TRPM2: variants seen among roughly 807,000 people sequenced by gnomAD.
The protein encoded by TRPM2 is estrogen-responsive element-associated gene 1 protein.
In TRPM2, 161 loss-of-function variants were observed where a neutral mutation model predicts 174.0. The observed-to-expected ratio is 0.93, with a 90% CI of 0.81 to 1.05. The LOEUF (loss-of-function observed/expected upper bound fraction) is 1.05, where lower values mean the gene tolerates loss of function less well. Ranked by LOEUF, TRPM2 falls within the 50% of genes least tolerant of loss-of-function variation. TRPM2 has a pLI of 0.00. For synonymous variants in TRPM2, 954 were observed against 861.3 expected, an observed-to-expected ratio of 1.11 and a Z score of -1.88; for missense variants, 2,057 against 2,038.0, an observed-to-expected ratio of 1.01 and a Z score of -0.18.
intron 5 of TRPM2, among the ~76,000 whole-genome samples, chr21:44,375,200 G>A (rs756745061): frequency 3.3e-5 from 5 of 152,184 alleles, no homozygotes; most frequent in Admixed American, 6.5e-5. Flanking sequence ...GTGAGCCACC[G>A]CGCCCGTCTC....
In TRPM2 at chr21:44,413,806, G is replaced by C; in HGVS notation, c.2963-85G>C. 2.0e-6 allele frequency: 3 copies of C among 1,483,670 alleles called. No homozygotes were observed. In the South Asian group the frequency reaches 3.7e-5, roughly 18 times the overall value. 91.9% of individuals were successfully genotyped at this position (1,483,670 alleles called of 1,614,324 possible). ...GCCTGCGGGGGACCTGGCAGTGACTGGAGGCCTCGAGGGCCCCCTCCTGCC... is the reference window on the plus strand; with the variant it reads ...GCCTGCGGGGGACCTGGCAGTGACTCGAGGCCTCGAGGGCCCCCTCCTGCC... On this transcript the variant is annotated intron_variant, in intron 19 of 31. Coordinates refer to ENST00000397928, the MANE Select transcript of TRPM2 (RefSeq NM_003307.4).
chr21:44,411,302 T>A (rs532867937), intron 19 of TRPM2, among the ~76,000 whole-genome samples: 1 of 152,314 alleles, frequency 6.6e-6, no homozygotes, highest in Admixed American at 6.5e-5. Context: ...CAGTAATAAG[T>A]CTTAATGCTT....
intron 28 of TRPM2, among the ~76,000 whole-genome samples, chr21:44,436,503 ACGTCACCCCCG>A (rs2051272274): frequency 4.5e-5 from 2 of 44,630 alleles, no homozygotes; most frequent in East Asian, 6.1e-4. Context: ...CGTCACCCCC[ACGTCACCCCCG>A]GGCTGCACTC....
At chr21:44,382,916 A>C in intron 9 of TRPM2, 96 bp downstream of exon 9, 3 of 1,252,150 alleles carry the variant, frequency 2.4e-6, no homozygotes, top group Non-Finnish European at 3.4e-6. Flanking sequence ...GATTCTGGGA[A>C]CCAGAATATT....
At chr21:44,382,629 C>A in intron 8 of TRPM2, 89 bp from the exon 9 acceptor site, 1 of 1,275,214 alleles carries the variant, frequency 7.8e-7, no homozygotes, top group Non-Finnish European at 1.1e-6. Context: ...AAGGCTCTGG[C>A]TGTGTCCGGG....
chr21:44,388,798 G>A (rs571430117), intron 9 of TRPM2, among the ~76,000 whole-genome samples: 50 of 152,216 alleles, frequency 3.3e-4, no homozygotes, highest in Admixed American at 1.8e-3. Context: ...TCACAGCACT[G>A]TGCTCCAGCC....
chr21:44,378,461 A>C (rs1463400496), intron 7 of TRPM2, among the ~76,000 whole-genome samples: 2 of 152,206 alleles, frequency 1.3e-5, no homozygotes, highest in African/African-American at 2.4e-5. Flanking sequence ...TCCATAGAGC[A>C]CTGGGTCCTC....
At position 44,354,474 on chromosome 21, in the gene TRPM2, C is replaced by A. The variant is rs1221897762; in HGVS notation, c.166-174C>A. 2.6e-5 allele frequency among the ~76,000 whole-genome samples: 4 copies of A among 152,188 alleles called. No homozygotes were observed. Among genetic ancestry groups the A allele is most frequent in the African/African-American group, 9.7e-5 (4 of 41,440 alleles). On this transcript the variant is annotated intron_variant, in intron 1 of 31. Transcript: ENST00000397928. The surrounding 1 kb of genome is among the most constrained non-coding windows in gnomAD (Gnocchi z 4.3). ...TTAGATTCATTCCTCCCTCCTGAAT[C>A]CCCACCGGAGAGTCTTGGCAAGGTG...
chr21:44,361,678 C>T (rs1357254936), intron 2 of TRPM2, among the ~76,000 whole-genome samples: 15 of 151,236 alleles, frequency 9.9e-5, no homozygotes, highest in Non-Finnish European at 1.5e-5. Context: ...GTTACTTGAA[C>T]ATTTTTTAGA....
At position 44,376,157 on chromosome 21, in the gene TRPM2, C is replaced by A; in HGVS notation, c.952+144C>A. On this transcript the variant is annotated intron_variant, in intron 6 of 31. Coordinates refer to ENST00000397928, the MANE Select transcript of TRPM2 (RefSeq NM_003307.4). This position sits in a 1 kb window ranked among gnomAD's most constrained non-coding sequence, Gnocchi z 4.2. Reference sequence around the variant, plus strand: ...AGTGGGCTGGTCAGAGTGTCAGGTACAGCTGGTCACAGGTCATTCGTGGCA... The same window carrying A: ...AGTGGGCTGGTCAGAGTGTCAGGTAAAGCTGGTCACAGGTCATTCGTGGCA... 1.0e-6 allele frequency: 1 copy of A among 973,846 alleles called. No homozygotes were observed. The highest frequency in any genetic ancestry group is 1.5e-6 in the Non-Finnish European group (1 of 663,966). 60.3% of individuals were successfully genotyped at this position (973,846 alleles called of 1,614,324 possible). A position where few individuals can be genotyped will look rare whatever the true frequency, so the allele number is the denominator to read the frequency against.
chr21:44,404,250 T>C (rs1273329209), intron 16 of TRPM2, among the ~76,000 whole-genome samples: 2 of 151,196 alleles, frequency 1.3e-5, no homozygotes, highest in African/African-American at 2.4e-5. Context: ...CACACAAACA[T>C]GCATACATAC....
In TRPM2 at chr21:44,395,467, C is replaced by A; in HGVS notation, c.1848C>A (p.Thr616=). ...ACAAGCGTTCCTCAGGCCATGTGAC[C>A]TTCACCATGGACCCCATCCGTGACC... is the stretch of plus-strand genomic sequence containing the variant. ...SLYKRSSGHV[T]FTMDPIRDLL... Residue 616 remains threonine, a synonymous_variant, in exon 12 of 32, where the codon ACC becomes ACA. Transcript: ENST00000397928. 6.2e-7 allele frequency: 1 copy of A among 1,613,054 alleles called. No individual in the cohort carries two copies. The highest frequency in any genetic ancestry group is 2.2e-5 in the East Asian group (1 of 44,874).
intron 26 of TRPM2, 75 bp from the exon 27 acceptor site, chr21:44,426,935 G>C: frequency 2.0e-6 from 3 of 1,464,042 alleles, no homozygotes. Flanking sequence ...TTGGTGGGGG[G>C]GTGATCCCTC....
rs1170280518 is a variant in TRPM2 at position 44,438,507 on chromosome 21, C to T, written c.4168-560C>T. On this transcript the variant is annotated intron_variant, in intron 29 of 31. Transcript: ENST00000397928. The surrounding 1 kb of genome is among the most constrained non-coding windows in gnomAD (Gnocchi z 5.9). The stretch of plus-strand genomic sequence containing the variant: ...CTGCAAAGTCTTCATGAGAAACCCA[C>T]GGGTGTTTCAGTGGGACTTTGAATG... 6.6e-6 allele frequency among the ~76,000 whole-genome samples: 1 copy of T among 152,100 alleles called. No individual in the cohort carries two copies. The highest frequency in any genetic ancestry group is 1.5e-5 in the Non-Finnish European group (1 of 68,012).
intron 20 of TRPM2, among the ~76,000 whole-genome samples, chr21:44,417,555 C>T (rs2050346735): frequency 9.3e-6 from 1 of 108,094 alleles, no homozygotes; most frequent in Admixed American, 9.1e-5. Context: ...CATGGCTCTG[C>T]TCTCTGGCAT....
rs181352842 is a variant in TRPM2 at position 44,424,702 on chromosome 21, A to T, written c.3550-150A>T. On this transcript the variant is annotated intron_variant, in intron 23 of 31. Transcript: ENST00000397928. Reference sequence around the variant, plus strand: ...TGGCTGGCTTGGTGGCTGCCTGGGGAGGACGTGGTGTCTCACTTTCAAAGG... The same window carrying T: ...TGGCTGGCTTGGTGGCTGCCTGGGGTGGACGTGGTGTCTCACTTTCAAAGG... The T allele has an allele frequency of 7.7e-6, 4 of 518,306 alleles. No homozygotes were observed. In the East Asian group the frequency reaches 1.3e-4, roughly 17 times the overall value. 32.1% of individuals were successfully genotyped at this position (518,306 alleles called of 1,614,324 possible). A position where few individuals can be genotyped will look rare whatever the true frequency, so the allele number is the denominator to read the frequency against.
rs1014173813 is a variant in TRPM2 at position 44,354,453 on chromosome 21, A to G, written c.166-195A>G. Reference sequence around the variant, plus strand: ...GTCCCAAGAGGAAATGATTTCTTAGATTCATTCCTCCCTCCTGAATCCCCA... The same window carrying G: ...GTCCCAAGAGGAAATGATTTCTTAGGTTCATTCCTCCCTCCTGAATCCCCA... On this transcript the variant is annotated intron_variant, in intron 1 of 31. Transcript: ENST00000397928. The surrounding 1 kb of genome is among the most constrained non-coding windows in gnomAD (Gnocchi z 4.3). Among the ~76,000 whole-genome samples the G allele has an allele frequency of 5.9e-5, 9 of 152,080 alleles. No individual in the cohort carries two copies. Among genetic ancestry groups the G allele is most frequent in the Non-Finnish European group, 1.2e-4 (8 of 68,018 alleles).
At chr21:44,429,501 G>A (rs1357349770) in intron 27 of TRPM2, among the ~76,000 whole-genome samples, 1 of 151,638 alleles carries the variant, frequency 6.6e-6, no homozygotes, top group East Asian at 1.9e-4. Flanking sequence ...TGGCCAGGCT[G>A]GTCTTGAATT....
At chr21:44,390,093 C>T (rs997775820) in intron 9 of TRPM2, among the ~76,000 whole-genome samples, 2 of 152,016 alleles carry the variant, frequency 1.3e-5, no homozygotes, top group African/African-American at 4.8e-5. Flanking sequence ...AGGATGGTCT[C>T]GATCTCCTGA....
Sources: gnomAD v4.1 joint callset for allele counts (sites outside exome capture counted in the v4.1 genomes callset) on GRCh38, gnomAD v4.1.1 for gene constraint, Gnocchi (gnomAD v3.1) non-coding constraint, MANE v1.5 for transcripts, NCBI Gene and HGNC (gene_info 2026-07-23, HGNC 2026-07-21) for gene names.